Variants in COL18A1 observed in about 807,000 individuals in gnomAD.
COL18A1 encodes collagen type XVIII alpha 1 chain, also known as collagen alpha-1(XVIII) chain.
A neutral mutation model predicts 168.0 loss-of-function variants in COL18A1; 133 were observed. The ratio of observed to expected loss-of-function variants is 0.79; its 90% CI spans 0.69 to 0.91. The LOEUF (loss-of-function observed/expected upper bound fraction) is 0.91. COL18A1 is among the 40% of genes least tolerant of loss of function. The pLI is 0.00. For synonymous variants in COL18A1, 949 were observed against 809.0 expected (o/e 1.17, Z -2.94); for missense variants, 2,126 against 1,925.4 (o/e 1.10, Z -1.95).
At position 45,504,421 on chromosome 21, in the gene COL18A1, G is replaced by A. The variant is rs2037057357; in HGVS notation, c.2733G>A (p.Glu911=). ...ACAAGTGTTTCCGTCCACAGGGGGA[G>A]AAGGGAGACCGAGGTGATGCAGGAC... ...FLQLEAEMKG[E]KGDRGDAGQK... The change falls in exon 34 of 42, where the codon GAG becomes GAA. Residue 911 remains glutamate, a synonymous_variant. Transcript: ENST00000651438. 1.9e-6 allele frequency: 3 copies of A among 1,611,562 alleles called. No homozygotes were observed. Among genetic ancestry groups the A allele is most frequent in the Non-Finnish European group, 2.5e-6 (3 of 1,179,388 alleles).
chr21:45,456,235 C>A (rs1247470088), intron 2 of COL18A1: 2 of 1,601,974 alleles, frequency 1.2e-6, no homozygotes. Flanking sequence ...GCCTGCAGGA[C>A]CCAGACAGCC....
chr21:45,456,601 C>A, intron 2 of COL18A1: 1 of 1,541,504 alleles, frequency 6.5e-7, no homozygotes. Flanking sequence ...TGCCCAACCA[C>A]CTCCACCACG....
In COL18A1 at chr21:45,449,622, T is replaced by C. The variant is rs569519593; in HGVS notation, c.107-18620T>C. On this transcript the variant is annotated intron_variant, in intron 2 of 41. Coordinates refer to ENST00000651438, the MANE Select transcript of COL18A1 (RefSeq NM_001379500.1). The stretch of plus-strand genomic sequence containing the variant: ...GGGGAAAGAGGCTGTAAGCTGGGGG[T>C]GGGTGTTAGACAGGGTGTGGCCACA... 3.0e-4 allele frequency among the ~76,000 whole-genome samples: 45 copies of C among 151,386 alleles called. No individual in the cohort carries two copies. The South Asian group carries it at 9.0e-3, about 30-fold the overall frequency.
At chr21:45,506,304 G>C (rs2037200527) in intron 37 of COL18A1, 2 of 373,532 alleles carry the variant, frequency 5.4e-6, no homozygotes, top group Non-Finnish European at 1.0e-5. Flanking sequence ...GCGGCAGGGG[G>C]GCTCAGGCCC....
At chr21:45,504,601 G>C in intron 34 of COL18A1, 45 bp downstream of exon 34, 1 of 1,533,920 alleles carries the variant, frequency 6.5e-7, no homozygotes, top group Non-Finnish European at 8.8e-7. Context: ...CCAGGGGTCT[G>C]GGTGCAGGAG....
rs1272745863 is a variant in COL18A1 at position 45,487,359 on chromosome 21, ACCCT to A, written c.1834-85_1834-82del. The A allele has an allele frequency of 1.8e-5, 26 of 1,480,738 alleles. No homozygotes were observed. The East Asian group carries it at 5.9e-4, about 34-fold the overall frequency. The allele number at this position is 1,480,738 out of a possible 1,614,324, so 91.7% of individuals were successfully genotyped here. A position where few individuals can be genotyped will look rare whatever the true frequency, so the allele number is the denominator to read the frequency against. On this transcript the variant is annotated intron_variant, in intron 16 of 41. Coordinates refer to ENST00000651438, the MANE Select transcript of COL18A1 (RefSeq NM_001379500.1). The stretch of plus-strand genomic sequence containing the variant: ...CCACCGTGGCCCCAAAGCATGTCCC[ACCCT>A]CCTCTCGGGCAGTGCCACCCCAGGG...
rs2036505634 is a variant in COL18A1 at position 45,495,656 on chromosome 21, A to G, written c.2508+224A>G. ...TGCACATATATGGCCGTACTCATAC[A>G]TGTGTGCACATATACACATGCATCT... On this transcript the variant is annotated intron_variant, in intron 29 of 41. Coordinates refer to ENST00000651438, the MANE Select transcript of COL18A1 (RefSeq NM_001379500.1). 6 of 549,904 alleles carry G rather than the reference A, an allele frequency of 1.1e-5. No homozygotes were observed. In the East Asian group the frequency reaches 1.6e-4, roughly 15 times the overall value. 34.1% of individuals were successfully genotyped at this position (549,904 alleles called of 1,614,324 possible). A position where few individuals can be genotyped will look rare whatever the true frequency, so the allele number is the denominator to read the frequency against.
At chr21:45,458,636 C>T (rs1293367311) in intron 2 of COL18A1, among the ~76,000 whole-genome samples, 1 of 152,186 alleles carries the variant, frequency 6.6e-6, no homozygotes, top group African/African-American at 2.4e-5. Flanking sequence ...TTGCAGGAGC[C>T]GTACTGACTG....
rs1037345987 is a variant in COL18A1 at position 45,423,248 on chromosome 21, G to T, written c.106+17775G>T. Among the ~76,000 whole-genome samples, 7 of 152,140 alleles carry T rather than the reference G, an allele frequency of 4.6e-5. No homozygotes were observed. The highest frequency in any genetic ancestry group is 8.8e-5 in the Non-Finnish European group (6 of 68,024). ...TTCCATGGTGACATGGTTCTTGAGG[G>T]TTAGCTGGTCCAGTTCCCGCGTGTT... On this transcript the variant is annotated intron_variant, in intron 2 of 41. Coordinates refer to ENST00000651438, the MANE Select transcript of COL18A1 (RefSeq NM_001379500.1). This position sits in a 1 kb window ranked among gnomAD's most constrained non-coding sequence, Gnocchi z 4.0.
At chr21:45,458,802 G>A (rs556740055) in intron 2 of COL18A1, among the ~76,000 whole-genome samples, 1 of 152,248 alleles carries the variant, frequency 6.6e-6, no homozygotes, top group East Asian at 1.9e-4. Flanking sequence ...ACCTGACCCT[G>A]CCCTAGCCCT....
chr21:45,433,700 C>T (rs1329406611), intron 2 of COL18A1, among the ~76,000 whole-genome samples: 1 of 152,158 alleles, frequency 6.6e-6, no homozygotes, highest in East Asian at 1.9e-4. Flanking sequence ...AGCTCTTGGT[C>T]CCATGTGGGA....
intron 9 of COL18A1, among the ~76,000 whole-genome samples, chr21:45,479,564 T>C: frequency 8.7e-6 from 1 of 114,326 alleles, no homozygotes; most frequent in South Asian, 2.6e-4. Context: ...ATATCACACA[T>C]GTACACACCA....
intron 14 of COL18A1, chr21:45,482,321 T>C (rs762685865): frequency 7.3e-6 from 5 of 682,556 alleles, no homozygotes; most frequent in Middle Eastern, 2.4e-4. Flanking sequence ...GCAGTGGCCA[T>C]GAGCCTCTGT....
At chr21:45,506,485 A>G in intron 37 of COL18A1, 1 of 238,050 alleles carries the variant, frequency 4.2e-6, no homozygotes, top group South Asian at 5.3e-5. Context: ...TGCCCCTTCC[A>G]GGACAGGCCA....
intron 2 of COL18A1, among the ~76,000 whole-genome samples, chr21:45,429,233 A>G (rs746737347): frequency 2.8e-4 from 42 of 151,952 alleles, no homozygotes; most frequent in Non-Finnish European, 5.3e-4. Context: ...GCATCCCTGG[A>G]GGGATCTGAG....
At chr21:45,485,358 C>T (rs1032112463) in intron 15 of COL18A1, among the ~76,000 whole-genome samples, 8 of 151,264 alleles carry the variant, frequency 5.3e-5, no homozygotes, top group East Asian at 2.0e-4. Context: ...AGGCTGGACA[C>T]GATGGCTCAC....
chr21:45,504,165 C>G (rs1007837591), intron 33 of COL18A1, 111 bp downstream of exon 33: 1 of 1,275,374 alleles, frequency 7.8e-7, no homozygotes, highest in Non-Finnish European at 1.1e-6. Context: ...CTGTTCAGCC[C>G]TGCGAGGGGC....
intron 2 of COL18A1, among the ~76,000 whole-genome samples, chr21:45,410,556 G>T (rs905643373): frequency 1.3e-5 from 2 of 152,252 alleles, no homozygotes; most frequent in Non-Finnish European, 1.5e-5. Flanking sequence ...CCCCGCAGCC[G>T]TTTGTTCGTT....
In COL18A1 at chr21:45,488,424, C is replaced by T. The variant is rs1287797435; in HGVS notation, c.1903C>T (p.Pro635Ser). 7.4e-6 allele frequency: 12 copies of T among 1,613,894 alleles called. No homozygotes were observed. The highest frequency in any genetic ancestry group is 1.0e-5 in the Non-Finnish European group (12 of 1,180,002). ...GTCTCCTCTGCCCTGACAGGGACCTCCCGGCCTGCCGGGACTTAAGGTCAG... is the reference window on the plus strand; with the variant it reads ...GTCTCCTCTGCCCTGACAGGGACCTTCCGGCCTGCCGGGACTTAAGGTCAG... ...ARSADGPQGP[P>S]GLPGLKGDPG... The change falls in exon 18 of 42, where the codon CCC becomes TCC. Residue 635 changes from proline to serine, a missense_variant. Transcript: ENST00000651438.
Sources: allele counts gnomAD v4.1 joint callset (sites outside exome capture counted in the v4.1 genomes callset), GRCh38; gene constraint gnomAD v4.1.1; non-coding constraint Gnocchi (gnomAD v3.1); transcripts MANE v1.5; gene names NCBI Gene and HGNC (gene_info 2026-07-23, HGNC 2026-07-21).